Variants in LMF1 observed in about 807,000 individuals in gnomAD.
The protein encoded by LMF1 is lipase maturation factor 1.
A neutral mutation model predicts 60.6 loss-of-function variants in LMF1; 68 were observed. The observed-to-expected ratio is 1.12, with a 90% confidence interval of 0.92 to 1.37. The LOEUF is 1.37. Among genes scored for constraint, LMF1 ranks in the 40% most tolerant of loss-of-function variants. The pLI is 0.00. For missense variants in LMF1, 948 were observed against 767.2 expected (o/e 1.24, Z -2.78); for synonymous variants, 418 against 324.7 (o/e 1.29, Z -3.09).
chr16:981,091 C>A, intron 1 of LMF1: 1 of 365,194 alleles, frequency 2.7e-6, no homozygotes, highest in Admixed American at 2.9e-5. Flanking sequence ...CTCGTATGGG[C>A]AGGGCGGCCC....
At position 908,328 on chromosome 16, in the gene LMF1, G is replaced by T. The variant is rs77192950; in HGVS notation, c.663+2603C>A. ...GAGACAGCATCCCACTTTCCTGCGC[G>T]ATCTGGATGCCGGGTTGCAGCTATG... is the stretch of plus-strand genomic sequence containing the variant. On this transcript the variant is annotated intron_variant, in intron 4 of 10. Coordinates refer to ENST00000262301, the MANE Select transcript of LMF1 (RefSeq NM_022773.4). 2.8e-4 allele frequency among the ~76,000 whole-genome samples: 42 copies of T among 152,302 alleles called. 1 individual carries two copies. In the East Asian group the frequency reaches 3.3e-3, roughly 12 times the overall value.
At chr16:968,943 A>G (rs1167956912) in intron 1 of LMF1, 1 of 152,152 alleles carries the variant, frequency 6.6e-6, no homozygotes, top group African/African-American at 2.4e-5. Context: ...CTTTATCTCT[A>G]CTTCATCGTT....
chr16:863,215 G>C (rs1188543356), intron 10 of LMF1, among the ~76,000 whole-genome samples: 1 of 152,198 alleles, frequency 6.6e-6, no homozygotes, highest in African/African-American at 2.4e-5. Flanking sequence ...GCCCAGGCTG[G>C]AGTGCAGTGC....
At chr16:941,367 G>A (rs112429167) in intron 2 of LMF1, among the ~76,000 whole-genome samples, 9,917 of 152,032 alleles carry the variant, frequency 0.065, 385 homozygotes, top group Non-Finnish European at 0.089. Context: ...CTACAGGCAC[G>A]TGCAACTATG....
At chr16:912,482 C>T (rs894955225) in intron 3 of LMF1, among the ~76,000 whole-genome samples, 6 of 152,234 alleles carry the variant, frequency 3.9e-5, no homozygotes, top group African/African-American at 7.2e-5. Flanking sequence ...ACAAAATAAA[C>T]GCCTGCAAGT....
At position 951,474 on chromosome 16, in the gene LMF1, G is replaced by T. The variant is rs2072466323; in HGVS notation, c.503+2883C>A. On this transcript the variant is annotated intron_variant, in intron 2 of 10. Transcript: ENST00000262301. The stretch of plus-strand genomic sequence containing the variant: ...AAGGCTGCGTGGCTTTATGTAACAG[G>T]AAGGCCAGCTCTGAGCAGAGTCAGA... Among the ~76,000 whole-genome samples, 3 of 152,220 alleles carry T rather than the reference G, an allele frequency of 2.0e-5. 1 individual carries two copies. The highest frequency in any genetic ancestry group is 2.0e-4 in the Admixed American group (3 of 15,282).
chr16:929,611 C>G (rs573107717), intron 3 of LMF1, among the ~76,000 whole-genome samples: 1 of 152,230 alleles, frequency 6.6e-6, no homozygotes, highest in African/African-American at 2.4e-5. Context: ...AAGGTGCACT[C>G]GCTGCAGGGC....
intron 3 of LMF1, among the ~76,000 whole-genome samples, chr16:932,524 C>T (rs2071820017): frequency 6.6e-6 from 1 of 152,184 alleles, no homozygotes; most frequent in African/African-American, 2.4e-5. Context: ...GTGTCAGGAC[C>T]TAAAGCTTTC....
intron 1 of LMF1, among the ~76,000 whole-genome samples, chr16:978,777 C>T (rs79475286): frequency 0.035 from 5,320 of 152,044 alleles, 119 homozygotes; most frequent in African/African-American, 0.049. Flanking sequence ...GTGTGCAGCT[C>T]CCCCCTGGAT....
chr16:924,044 A>G (rs1371481580), intron 3 of LMF1, among the ~76,000 whole-genome samples: 1 of 152,262 alleles, frequency 6.6e-6, no homozygotes, highest in Non-Finnish European at 1.5e-5. Flanking sequence ...AAAAGTTACT[A>G]TAGTTCACTA....
rs377249174 is a variant in LMF1 at position 895,901 on chromosome 16, G to C, written c.664-2829C>G. 6.2e-3 allele frequency among the ~76,000 whole-genome samples: 669 copies of C among 107,470 alleles called. 1 individual carries two copies. The highest frequency in any genetic ancestry group is 0.017 in the African/African-American group (471 of 28,060). 70.5% of individuals were successfully genotyped at this position (107,470 alleles called of 152,430 possible). A position where few individuals can be genotyped will look rare whatever the true frequency, so the allele number is the denominator to read the frequency against. On this transcript the variant is annotated intron_variant, in intron 4 of 10. Coordinates refer to ENST00000262301, the MANE Select transcript of LMF1 (RefSeq NM_022773.4). ...CCACACGCAGGCTGCACGGTCCACA[G>C]ACACGCCTCGGAGGGGTTGTGAGGC...
At chr16:940,923 T>C (rs1378235628) in intron 2 of LMF1, among the ~76,000 whole-genome samples, 1 of 152,198 alleles carries the variant, frequency 6.6e-6, no homozygotes, top group Non-Finnish European at 1.5e-5. Context: ...GAATTGTGAA[T>C]TTGTGTATTT....
intron 5 of LMF1, 76 bp from the exon 6 acceptor site, chr16:879,813 T>G: frequency 7.0e-7 from 1 of 1,424,948 alleles, no homozygotes; most frequent in Non-Finnish European, 9.6e-7. Context: ...TGTGGGTCCC[T>G]GGCCCCCTGA....
At chr16:876,877 C>T (rs1273641640) in intron 6 of LMF1, among the ~76,000 whole-genome samples, 1 of 151,956 alleles carries the variant, frequency 6.6e-6, no homozygotes, top group Non-Finnish European at 1.5e-5. Flanking sequence ...CAGAAAAAAA[C>T]GAGAGAGAAA....
At position 853,657 on chromosome 16, in the gene LMF1, T is replaced by C. The variant is rs1438615455; in HGVS notation, c.*875A>G. On this transcript the variant is annotated 3_prime_UTR_variant, in exon 11 of 11. Coordinates refer to ENST00000262301, the MANE Select transcript of LMF1 (RefSeq NM_022773.4). ...TGTTTTCGAGTAAGCTGGTAAGTGG[T>C]ATAATAGGAATAGTAGAAGAATATG... 2.2e-5 allele frequency: 10 copies of C among 452,824 alleles called. No homozygotes were observed. The Admixed American group carries it at 2.3e-4, about 11-fold the overall frequency. The allele number at this position is 452,824 out of a possible 1,614,324, so 28.1% of individuals were successfully genotyped here.
chr16:900,718 TGTGTGTG>T (rs2070787716), intron 4 of LMF1: 6 of 150,366 alleles, frequency 4.0e-5, no homozygotes, highest in Admixed American at 4.0e-4. Flanking sequence ...TGTGTGTGTG[TGTGTGTG>T]TGTGTGTTTT....
At chr16:939,271 G>T (rs760232377) in intron 2 of LMF1, among the ~76,000 whole-genome samples, 2 of 152,144 alleles carry the variant, frequency 1.3e-5, no homozygotes, top group African/African-American at 4.8e-5. Context: ...CCGTGAGCAC[G>T]AACCCTGGGT....
intron 3 of LMF1, among the ~76,000 whole-genome samples, chr16:929,189 G>A (rs559196984): frequency 3.3e-5 from 5 of 152,306 alleles, no homozygotes; most frequent in East Asian, 3.9e-4. Flanking sequence ...GCCAGAAAGC[G>A]TCTCCAGAAG....
At chr16:868,539 C>T (rs995176133) in intron 10 of LMF1, among the ~76,000 whole-genome samples, 1 of 152,184 alleles carries the variant, frequency 6.6e-6, no homozygotes, top group African/African-American at 2.4e-5. Flanking sequence ...CACTGCAGTC[C>T]CCTGCCCAGT....
Sources: gnomAD v4.1 joint callset for allele counts (sites outside exome capture counted in the v4.1 genomes callset) on GRCh38, gnomAD v4.1.1 for gene constraint, MANE v1.5 for transcripts, NCBI Gene and HGNC (gene_info 2026-07-23, HGNC 2026-07-21) for gene names.